CPAMD8: variants seen among roughly 807,000 people sequenced by gnomAD.
CPAMD8 encodes the protein C3 and PZP like alpha-2-macroglobulin domain containing 8.
Under a neutral mutation model 224.7 loss-of-function variants are expected in CPAMD8, and 146 were observed. The observed-to-expected ratio is 0.65, with a 90% CI of 0.57 to 0.75. The LOEUF (loss-of-function observed/expected upper bound fraction) is 0.75, where lower values mean the gene tolerates loss of function less well. Among genes scored for constraint, CPAMD8 ranks in the 30% least tolerant of loss-of-function variants. The probability of loss-of-function intolerance (pLI) is 0.00; values close to 1 mark genes in which losing one functional copy is unlikely to be tolerated. For synonymous variants in CPAMD8, 966 were observed against 1,044.6 expected, an observed-to-expected ratio of 0.92 and a Z score of 1.45; for missense variants, 2,301 against 2,537.5, an observed-to-expected ratio of 0.91 and a Z score of 2.00.
intron 41 of CPAMD8, chr19:16,895,524 T>C (rs916017658): frequency 4.7e-6 from 1 of 213,680 alleles, no homozygotes; most frequent in African/African-American, 2.3e-5. Context: ...TTGCAGGTGT[T>C]GAGGGGAGAG....
At chr19:16,931,571 G>T (rs867775724) in intron 23 of CPAMD8, among the ~76,000 whole-genome samples, 1 of 152,146 alleles carries the variant, frequency 6.6e-6, no homozygotes, top group South Asian at 2.1e-4. Flanking sequence ...ACCTATCCAT[G>T]TTCCTGGTCC....
At chr19:16,972,602 T>G (rs2055103967) in intron 17 of CPAMD8, among the ~76,000 whole-genome samples, 1 of 152,172 alleles carries the variant, frequency 6.6e-6, no homozygotes, top group Non-Finnish European at 1.5e-5. Flanking sequence ...GCCCGGCTAA[T>G]TTTTTGTATT....
intron 26 of CPAMD8, 70 bp from the exon 27 acceptor site, chr19:16,922,056 A>G: frequency 9.4e-7 from 1 of 1,060,302 alleles, no homozygotes; most frequent in South Asian, 1.4e-5. Context: ...AGGGACCTAC[A>G]CCACTCTGCC....
chr19:17,018,824 G>A (rs2056879427), intron 3 of CPAMD8, among the ~76,000 whole-genome samples: 2 of 149,620 alleles, frequency 1.3e-5, no homozygotes, highest in Admixed American at 6.7e-5. Flanking sequence ...CACGAGAATC[G>A]CTTGAAACCA....
chr19:17,020,263 C>T, intron 3 of CPAMD8, 68 bp downstream of exon 3: 1 of 1,227,470 alleles, frequency 8.1e-7, no homozygotes, highest in Non-Finnish European at 1.2e-6. Context: ...TGTGAGCCAC[C>T]ACGCCTGGCC....
At chr19:16,979,109 CATCT>C (rs1379132075) in intron 14 of CPAMD8, among the ~76,000 whole-genome samples, 8 of 151,532 alleles carry the variant, frequency 5.3e-5, no homozygotes, top group South Asian at 2.1e-4. Flanking sequence ...ACTATCCATC[CATCT>C]ATCCATCCAA....
chr19:16,995,770 T>C (rs11669809), intron 11 of CPAMD8, among the ~76,000 whole-genome samples: 82 of 152,198 alleles, frequency 5.4e-4, no homozygotes, highest in Non-Finnish European at 8.8e-4. Context: ...ATCCCAGCAC[T>C]TTGGGGGTCT....
At chr19:16,961,886 C>T (rs976459639) in intron 18 of CPAMD8, among the ~76,000 whole-genome samples, 5 of 152,202 alleles carry the variant, frequency 3.3e-5, no homozygotes, top group African/African-American at 1.2e-4. Flanking sequence ...ACTGGTGATA[C>T]GCAGGCAGAC....
Position 16,975,905 on chromosome 19 carries a change from C to T in CPAMD8, c.1908+97G>A, listed in dbSNP as rs2055249441. 4 of 1,257,946 alleles carry T rather than the reference C, an allele frequency of 3.2e-6. No individual in the cohort carries two copies. In the South Asian group the frequency reaches 6.2e-5, roughly 19 times the overall value. The allele number at this position is 1,257,946 out of a possible 1,614,324, so 77.9% of individuals were successfully genotyped here. On this transcript the variant is annotated intron_variant, in intron 16 of 41. Coordinates refer to ENST00000443236, the MANE Select transcript of CPAMD8 (RefSeq NM_015692.5). ...AGAAAGCGAATCTGGATTCAAATGC[C>T]ACTCTTCATTTATTGGAATGAGAGA...
chr19:16,928,037 C>G lies in CPAMD8; in HGVS notation c.3342G>C (p.Gly1114=). 6.2e-7 allele frequency: 1 copy of G among 1,613,678 alleles called. No individual in the cohort carries two copies. Among genetic ancestry groups the G allele is most frequent in the Non-Finnish European group, 8.5e-7 (1 of 1,179,758 alleles). ...TGATGGAGGCGGTGGCTCGCTCAGA[C>G]CCAGGGATGGCGCCGTGTGGGACCC... ...TLGVPHGAIP[G]SERATASIIG... is the part of the protein sequence containing the mutation. The change falls in exon 25 of 42, where the codon GGG becomes GGC. Residue 1114 remains glycine (G), a synonymous_variant. Transcript: ENST00000443236.
rs904937717 is a variant in CPAMD8 at position 16,914,507 on chromosome 19, G to A, written c.3787-9C>T. ...GTGCCGTGGATCCCACCCTGCAAGG[G>A]GACTCACAGGCCTCACCCTAAGCCA... On this transcript the variant is annotated splice_polypyrimidine_tract_variant and intron_variant, in intron 28 of 41. Transcript: ENST00000443236. 47 of 1,613,716 alleles carry A rather than the reference G, an allele frequency of 2.9e-5. No individual in the cohort carries two copies. The highest frequency in any genetic ancestry group is 1.7e-4 in the Admixed American group (10 of 59,996).
intron 29 of CPAMD8, chr19:16,910,682 G>C (rs970890400): frequency 4.6e-5 from 7 of 152,018 alleles, no homozygotes; most frequent in African/African-American, 1.7e-4. Flanking sequence ...GCAGACACTT[G>C]ATTGGTGCAG....
At chr19:16,951,697 G>A (rs571843948) in intron 20 of CPAMD8, among the ~76,000 whole-genome samples, 3 of 152,090 alleles carry the variant, frequency 2.0e-5, no homozygotes, top group Admixed American at 6.6e-5. Context: ...ACACACATGC[G>A]TCCCCACCTC....
chr19:16,991,105 A>G (rs78976774), intron 12 of CPAMD8, among the ~76,000 whole-genome samples: 1 of 125,846 alleles, frequency 7.9e-6, no homozygotes, highest in Non-Finnish European at 1.8e-5. Context: ...TGAGGCCCCC[A>G]CAAAAAACTT....
chr19:16,993,324 G>T, intron 12 of CPAMD8, 92 bp downstream of exon 12: 1 of 1,035,488 alleles, frequency 9.7e-7, no homozygotes, highest in Non-Finnish European at 1.4e-6. Flanking sequence ...ACGGGCTCCA[G>T]GCCCACTGAT....
intron 29 of CPAMD8, among the ~76,000 whole-genome samples, chr19:16,913,705 C>A (rs944852093): frequency 6.6e-6 from 1 of 152,088 alleles, no homozygotes; most frequent in South Asian, 2.1e-4. Context: ...AGGCAAGGGG[C>A]CCTCTGGACA....
In CPAMD8 at chr19:16,914,784, G is replaced by A. The variant is rs199945562; in HGVS notation, c.3659C>T (p.Ala1220Val). 6.0e-5 allele frequency: 96 copies of A among 1,613,418 alleles called. No individual in the cohort carries two copies. The highest frequency in any genetic ancestry group is 1.6e-4 in the Middle Eastern group (1 of 6,078). ...CACGAAGATAAAGCTGCGAGCCTGT[G>A]CGAAGGACTTCAGGACAAAGGCTGT... Reference protein sequence around the residue: ...WLTAFVLKSFAQARSFIFVDP... With the variant: ...WLTAFVLKSFVQARSFIFVDP... Residue 1220 changes from alanine to valine, a missense_variant, in exon 28 of 42, where the codon GCA (alanine) becomes GTA (valine). This residue lies in a region of CPAMD8 where 1,709 missense variants were observed against 1,753.2 expected (regional missense o/e 0.97). Coordinates refer to ENST00000443236, the MANE Select transcript of CPAMD8 (RefSeq NM_015692.5).
intron 27 of CPAMD8, among the ~76,000 whole-genome samples, chr19:16,920,425 T>A (rs949521279): frequency 6.0e-5 from 9 of 151,160 alleles, no homozygotes; most frequent in Non-Finnish European, 5.9e-5. Context: ...GCTTGCAGTG[T>A]GCCGAGATGG....
rs371558499 is a variant in CPAMD8, at chr19:16,941,152, C to T, written c.2794-2706G>A. Among the ~76,000 whole-genome samples, 21 of 152,256 alleles carry T rather than the reference C, an allele frequency of 1.4e-4. 1 individual carries two copies. The highest frequency in any genetic ancestry group is 4.1e-4 in the South Asian group (2 of 4,830). ...TTCACCATGTTGGCCAGGCTGGTCT[C>T]GAACTCCTGGCCTCAGGTGATCCAC... On this transcript the variant is annotated intron_variant, in intron 22 of 41. Transcript: ENST00000443236.
Sources: allele counts gnomAD v4.1 joint callset (sites outside exome capture counted in the v4.1 genomes callset), GRCh38; gene constraint gnomAD v4.1.1; regional missense constraint gnomAD v4.1.1; transcripts MANE v1.5; gene names NCBI Gene and HGNC (gene_info 2026-07-23, HGNC 2026-07-21).